Variants in FYB1 observed in about 807,000 individuals in gnomAD.
FYB1 encodes FYN binding protein 1, also known as FYN-binding protein 1.
FYB1 carries 41 observed loss-of-function variants against 94.1 expected under a neutral mutation model. That is an observed-to-expected ratio of 0.44 (90% CI 0.34 to 0.57). The LOEUF (loss-of-function observed/expected upper bound fraction) is 0.57, where lower values mean the gene tolerates loss of function less well. Among genes scored for constraint, FYB1 ranks in the 20% least tolerant of loss-of-function variants. FYB1 has a pLI of 0.02. For missense variants in FYB1, 1,050 were observed against 976.8 expected, an observed-to-expected ratio of 1.07 and a Z score of -1.00; for synonymous variants, 367 against 353.2, an observed-to-expected ratio of 1.04 and a Z score of -0.44.
rs538508812 is a variant in FYB1, at chr5:39,148,381, GTTTTTTTTTTTTTTTTTTTT to G, written c.1292+5047_1292+5066del. ...GCATTTAGCTTTTAATTATCAGCAGGTTTTTTTTTTTTTTTTTTTTTTTTTTTTTTTTTTTTTAAAGAAGG... is the reference window on the plus strand; with the variant it reads ...GCATTTAGCTTTTAATTATCAGCAGGTTTTTTTTTTTTTTTTTAAAGAAGG... On this transcript the variant is annotated intron_variant, in intron 3 of 18. Transcript: ENST00000512982. Among the ~76,000 whole-genome samples the G allele has an allele frequency of 1.1e-3, 42 of 38,174 alleles. 2 individuals carry two copies. Among genetic ancestry groups the G allele is most frequent in the South Asian group, 6.4e-3 (6 of 932 alleles). The allele number at this position is 38,174 out of a possible 152,430, so 25.0% of individuals were successfully genotyped here. A position where few individuals can be genotyped will look rare whatever the true frequency, so the allele number is the denominator to read the frequency against.
chr5:39,129,730 T>C (rs1378260159), intron 10 of FYB1, among the ~76,000 whole-genome samples: 1 of 151,644 alleles, frequency 6.6e-6, no homozygotes, highest in African/African-American at 2.4e-5. Flanking sequence ...ACTAATCATC[T>C]TACCCCAGTT....
chr5:39,186,828 G>T (rs1235124112), intron 2 of FYB1, among the ~76,000 whole-genome samples: 1 of 151,754 alleles, frequency 6.6e-6, no homozygotes. Context: ...ACTGTGCTAC[G>T]TGTTTTTACT....
intron 7 of FYB1, among the ~76,000 whole-genome samples, chr5:39,136,769 G>T (rs1042018556): frequency 4.6e-5 from 7 of 152,160 alleles, no homozygotes; most frequent in African/African-American, 1.4e-4. Context: ...TAAATATACC[G>T]GGAAGTTATA....
chr5:39,240,746 G>A (rs1265577452), intron 1 of FYB1, among the ~76,000 whole-genome samples: 1 of 152,160 alleles, frequency 6.6e-6, no homozygotes, highest in Admixed American at 6.6e-5. Context: ...TTCAGCCAAT[G>A]TGGAAAGCAA....
intron 2 of FYB1, among the ~76,000 whole-genome samples, chr5:39,158,590 T>C (rs1459977761): frequency 6.6e-6 from 1 of 152,200 alleles, no homozygotes; most frequent in African/African-American, 2.4e-5. Flanking sequence ...ATTTTATGTA[T>C]TTCTGTTGGT....
At chr5:39,192,409 T>C (rs1175593317) in intron 2 of FYB1, among the ~76,000 whole-genome samples, 1 of 152,224 alleles carries the variant, frequency 6.6e-6, no homozygotes, top group East Asian at 1.9e-4. Flanking sequence ...GGTAATGTAT[T>C]TCAAATTTTA....
At chr5:39,262,799 A>C (rs138014214) in intron 1 of FYB1, among the ~76,000 whole-genome samples, 62 of 152,352 alleles carry the variant, frequency 4.1e-4, no homozygotes, top group African/African-American at 1.4e-3. Context: ...GGCAAAGTGC[A>C]GAAATCATGA....
intron 1 of FYB1, among the ~76,000 whole-genome samples, chr5:39,228,796 A>G (rs372296563): frequency 6.6e-6 from 1 of 152,210 alleles, no homozygotes; most frequent in East Asian, 1.9e-4. Flanking sequence ...GAGCTAATAA[A>G]GCAAGATCTC....
intron 1 of FYB1, among the ~76,000 whole-genome samples, chr5:39,245,368 T>C (rs1751424911): frequency 6.6e-6 from 1 of 152,168 alleles, no homozygotes. Context: ...GAATAGAGAA[T>C]ATAACTGATT....
intron 1 of FYB1, among the ~76,000 whole-genome samples, chr5:39,258,274 A>G (rs1194532713): frequency 6.6e-6 from 1 of 152,142 alleles, no homozygotes; most frequent in Admixed American, 6.5e-5. Context: ...CAATACCATT[A>G]ATCAGGGATG....
chr5:39,234,900 G>A (rs1042803705), intron 1 of FYB1, among the ~76,000 whole-genome samples: 2 of 152,018 alleles, frequency 1.3e-5, no homozygotes, highest in Admixed American at 6.6e-5. Context: ...GGGGGTCGGG[G>A]GCAAGGGGTG....
chr5:39,125,086 A>T (rs1740511248), intron 12 of FYB1, among the ~76,000 whole-genome samples: 1 of 152,130 alleles, frequency 6.6e-6, no homozygotes, highest in African/African-American at 2.4e-5. Flanking sequence ...AAGCAGAAAA[A>T]AAAAACCCTC....
intron 2 of FYB1, chr5:39,170,419 C>A (rs1231431693): frequency 2.1e-6 from 1 of 480,152 alleles, no homozygotes; most frequent in Non-Finnish European, 3.7e-6. Context: ...GGCCGGACCC[C>A]CTCAGCAGCA....
intron 2 of FYB1, among the ~76,000 whole-genome samples, chr5:39,179,307 C>A (rs987727457): frequency 1.3e-5 from 2 of 152,142 alleles, no homozygotes; most frequent in Non-Finnish European, 2.9e-5. Context: ...ACTGTGCACT[C>A]CTCCAGACAT....
At chr5:39,194,406 G>A (rs1366777371) in intron 2 of FYB1, among the ~76,000 whole-genome samples, 2 of 152,082 alleles carry the variant, frequency 1.3e-5, no homozygotes, top group African/African-American at 2.4e-5. Context: ...TGTGCCTGTA[G>A]TCCCAGCTAT....
chr5:39,271,257 C>T (rs1474514359), intron 1 of FYB1, among the ~76,000 whole-genome samples: 1 of 151,976 alleles, frequency 6.6e-6, no homozygotes, highest in Non-Finnish European at 1.5e-5. Context: ...AAGTACAGCT[C>T]AGTCTAGGTT....
chr5:39,215,922 C>T lies in FYB1; in HGVS notation c.-28+3521G>A, dbSNP rs972014880. 3.9e-5 allele frequency among the ~76,000 whole-genome samples: 6 copies of T among 152,136 alleles called. No individual in the cohort carries two copies. In the South Asian group the frequency reaches 6.2e-4, roughly 16 times the overall value. On this transcript the variant is annotated intron_variant, in intron 1 of 18. Transcript: ENST00000512982. The stretch of plus-strand genomic sequence containing the variant: ...ATTCTGGGTTATGTAGGTAGCACTA[C>T]ATCCAATGACAAGTGTCCTTATAAG...
At chr5:39,246,609 G>A (rs1751487316) in intron 1 of FYB1, among the ~76,000 whole-genome samples, 1 of 152,120 alleles carries the variant, frequency 6.6e-6, no homozygotes, top group Non-Finnish European at 1.5e-5. Context: ...TGTCTCACAG[G>A]TAATAGTTCT....
chr5:39,195,872 T>C (rs1396721570), intron 2 of FYB1, among the ~76,000 whole-genome samples: 1 of 152,156 alleles, frequency 6.6e-6, no homozygotes, highest in Non-Finnish European at 1.5e-5. Flanking sequence ...GAAAGGTTAG[T>C]TCAGAGAATA....
Sources: gnomAD v4.1 joint callset for allele counts (sites outside exome capture counted in the v4.1 genomes callset) on GRCh38, gnomAD v4.1.1 for gene constraint, MANE v1.5 for transcripts, NCBI Gene and HGNC (gene_info 2026-07-23, HGNC 2026-07-21) for gene names.